The following REXO5 variants were observed in gnomAD, a reference collection of about 807,000 sequenced individuals.
REXO5 encodes the protein exonuclease NEF-sp.
A neutral mutation model predicts 88.5 loss-of-function variants in REXO5; 48 were observed. The observed-to-expected ratio is 0.54, with a 90% CI of 0.43 to 0.69. The LOEUF (loss-of-function observed/expected upper bound fraction) is 0.69, where lower values mean the gene tolerates loss of function less well. Ranked by LOEUF, REXO5 falls within the 30% of genes least tolerant of loss-of-function variation. REXO5 has a pLI of 0.00. For synonymous variants in REXO5, 311 were observed against 336.5 expected (o/e 0.92, Z 0.83); for missense variants, 749 against 912.2 (o/e 0.82, Z 2.30).
chr16:20,810,873 T>C (rs1198917585), intron 2 of REXO5, among the ~76,000 whole-genome samples: 2 of 152,162 alleles, frequency 1.3e-5, no homozygotes, highest in Non-Finnish European at 2.9e-5. Flanking sequence ...TCTTCCTTTG[T>C]GAGCACCCTC....
intron 9 of REXO5, 50 bp downstream of exon 9, chr16:20,827,246 A>G: frequency 6.2e-7 from 1 of 1,610,704 alleles, no homozygotes; most frequent in Non-Finnish European, 8.5e-7. Flanking sequence ...TGCCTGTTCC[A>G]TTTATCTCAA....
intron 5 of REXO5, among the ~76,000 whole-genome samples, chr16:20,817,295 T>C (rs1026044070): frequency 4.1e-4 from 63 of 152,360 alleles, no homozygotes; most frequent in African/African-American, 1.5e-3. Flanking sequence ...GCAATTGTAT[T>C]TGATTTGATT....
intron 6 of REXO5, among the ~76,000 whole-genome samples, chr16:20,823,265 TG>T (rs1334751616): frequency 6.6e-6 from 1 of 152,222 alleles, no homozygotes; most frequent in Non-Finnish European, 1.5e-5. Flanking sequence ...TCTTATTTTC[TG>T]GATGCATAAA....
intron 6 of REXO5, among the ~76,000 whole-genome samples, chr16:20,822,913 A>T (rs2081206158): frequency 6.6e-6 from 1 of 152,216 alleles, no homozygotes; most frequent in Non-Finnish European, 1.5e-5. Flanking sequence ...ACCTAGGAGT[A>T]TAATTGCTGG....
chr16:20,836,927 G>A (rs1398681884), intron 13 of REXO5, among the ~76,000 whole-genome samples: 1 of 152,118 alleles, frequency 6.6e-6, no homozygotes, highest in Non-Finnish European at 1.5e-5. Flanking sequence ...CTCTTCTTTG[G>A]TGAAGTGTCT....
intron 4 of REXO5, 78 bp from the exon 5 acceptor site, chr16:20,816,038 G>A: frequency 1.8e-6 from 2 of 1,100,032 alleles, no homozygotes; most frequent in Middle Eastern, 4.1e-4. Context: ...GCACTGAGGT[G>A]ACAATAAAAG....
At chr16:20,816,046 A>G in intron 4 of REXO5, 70 bp from the exon 5 acceptor site, 1 of 1,241,284 alleles carries the variant, frequency 8.1e-7, no homozygotes, top group Non-Finnish European at 1.2e-6. Context: ...GTGACAATAA[A>G]AGTCCAGGCC....
At chr16:20,808,904 T>G (rs1190031844) in intron 2 of REXO5, 2 of 145,214 alleles carry the variant, frequency 1.4e-5, no homozygotes, top group Admixed American at 1.4e-4. Flanking sequence ...CTTTTTTTTG[T>G]TTTTTTTTCG....
At chr16:20,807,907 A>G (rs2080926178) in intron 2 of REXO5, among the ~76,000 whole-genome samples, 1 of 152,032 alleles carries the variant, frequency 6.6e-6, no homozygotes, top group South Asian at 2.1e-4. Context: ...CTGCCTGTCC[A>G]TGGGGTCCCC....
intron 10 of REXO5, among the ~76,000 whole-genome samples, chr16:20,827,759 A>C (rs2081281282): frequency 6.6e-6 from 1 of 152,236 alleles, no homozygotes; most frequent in Admixed American, 6.5e-5. Context: ...ATTAAGACAC[A>C]TATGTACAAA....
At position 20,807,093 on chromosome 16, in the gene REXO5, T is replaced by G. The variant is rs1421078468; in HGVS notation, c.138+2T>G. On this transcript the variant is annotated splice_donor_variant, in intron 2 of 19. Coordinates refer to ENST00000261377, the MANE Select transcript of REXO5 (RefSeq NM_030941.3). LOFTEE classifies it high-confidence loss of function. ...GAGGAGAGTCAGCCCGAGGCCAAGG[T>G]GAGCAACGGGGATCCCGAGCAGGCG... The G allele has an allele frequency of 6.2e-7, 1 of 1,600,810 alleles. No homozygotes were observed. Among genetic ancestry groups the G allele is most frequent in the East Asian group, 2.3e-5 (1 of 44,362 alleles).
chr16:20,806,703 C>T lies in REXO5; in HGVS notation c.-5C>T. The stretch of plus-strand genomic sequence containing the variant: ...TAGCCGTTGGGGAACCGTTGAGAAT[C>T]CGGTAACCGATGCGGACGGTAAAGC... On this transcript the variant is annotated splice_region_variant and 5_prime_UTR_variant, in exon 1 of 20. Transcript: ENST00000261377. The T allele has an allele frequency of 9.9e-7, 1 of 1,007,726 alleles. No homozygotes were observed. Among genetic ancestry groups the T allele is most frequent in the Admixed American group, 3.0e-5 (1 of 33,502 alleles). 62.4% of individuals were successfully genotyped at this position (1,007,726 alleles called of 1,614,324 possible).
chr16:20,809,370 T>G (rs1385517042), intron 2 of REXO5, among the ~76,000 whole-genome samples: 4 of 152,248 alleles, frequency 2.6e-5, no homozygotes, highest in African/African-American at 9.6e-5. Flanking sequence ...CCAAATTTTC[T>G]GTAGTTGTTT....
chr16:20,826,070 AGG>A (rs1214511034), intron 8 of REXO5, 122 bp downstream of exon 8: 1 of 643,004 alleles, frequency 1.6e-6, no homozygotes, highest in Admixed American at 2.7e-5. Context: ...ATCAAAGGTT[AGG>A]GCATCACATA....
At chr16:20,819,707 A>G (rs1298242583) in intron 5 of REXO5, among the ~76,000 whole-genome samples, 2 of 150,742 alleles carry the variant, frequency 1.3e-5, no homozygotes, top group Non-Finnish European at 3.0e-5. Flanking sequence ...GTGAGCCGAG[A>G]TCGCGCCATT....
intron 19 of REXO5, 102 bp from the exon 20 acceptor site, chr16:20,849,297 C>A: frequency 2.7e-6 from 3 of 1,113,818 alleles, no homozygotes; most frequent in African/African-American, 3.1e-5. Flanking sequence ...TGCCCCATGG[C>A]ACACACACAT....
intron 13 of REXO5, among the ~76,000 whole-genome samples, chr16:20,838,555 T>C (rs1403771080): frequency 6.6e-6 from 1 of 152,148 alleles, no homozygotes; most frequent in East Asian, 1.9e-4. Context: ...CCCAAACCTG[T>C]TCTGGAGATT....
At chr16:20,841,954 C>T (rs372650051) in intron 15 of REXO5, among the ~76,000 whole-genome samples, 2 of 152,150 alleles carry the variant, frequency 1.3e-5, no homozygotes, top group African/African-American at 4.8e-5. Context: ...AAGATTGTCC[C>T]TGAGAAGATG....
In REXO5 at chr16:20,830,264, G is replaced by A. The variant is rs374098380; in HGVS notation, c.1158+1727G>A. On this transcript the variant is annotated intron_variant, in intron 11 of 19. Coordinates refer to ENST00000261377, the MANE Select transcript of REXO5 (RefSeq NM_030941.3). ...TGCAGTGGTGCGATCTCTCTTCACT[G>A]CAGCCTCTGCCTCCCCGGTTCAAGT... is the stretch of plus-strand genomic sequence containing the variant. Among the ~76,000 whole-genome samples the A allele has an allele frequency of 9.0e-4, 137 of 152,144 alleles. 4 individuals carry two copies. The South Asian group carries it at 0.028, about 31-fold the overall frequency.
Sources: allele counts gnomAD v4.1 joint callset (sites outside exome capture counted in the v4.1 genomes callset), GRCh38; gene constraint gnomAD v4.1.1; transcripts MANE v1.5; gene names NCBI Gene and HGNC (gene_info 2026-07-23, HGNC 2026-07-21).